Variants in LRRC72 observed in about 807,000 individuals in gnomAD.
LRRC72 encodes the protein leucine rich repeat containing 72, also known as leucine-rich repeat-containing protein 72.
In LRRC72, 41 loss-of-function variants were observed where a neutral mutation model predicts 35.8. The observed-to-expected ratio is 1.15, with a 90% CI of 0.89 to 1.49. The LOEUF (loss-of-function observed/expected upper bound fraction) is 1.49. LRRC72 is among the 40% of genes most tolerant of loss of function. The probability of loss-of-function intolerance (pLI) is 0.00; values close to 1 mark genes in which losing one functional copy is unlikely to be tolerated. For synonymous variants in LRRC72, 118 were observed against 119.2 expected (o/e 0.99, Z 0.07); for missense variants, 389 against 330.7 (o/e 1.18, Z -1.37).
chr7:16,533,177 T>C (rs2128334523), intron 2 of LRRC72, among the ~76,000 whole-genome samples: 1 of 152,216 alleles, frequency 6.6e-6, no homozygotes, highest in East Asian at 1.9e-4. Context: ...TTATACCACA[T>C]ACTATGATAA....
At chr7:16,530,525 C>T (rs959959056) in intron 1 of LRRC72, 3 of 152,214 alleles carry the variant, frequency 2.0e-5, no homozygotes, top group African/African-American at 2.4e-5. Flanking sequence ...TGGGCATCCC[C>T]TAGTCCAGTC....
At chr7:16,543,208 A>G (rs1782390033) in intron 3 of LRRC72, among the ~76,000 whole-genome samples, 1 of 152,212 alleles carries the variant, frequency 6.6e-6, no homozygotes, top group African/African-American at 2.4e-5. Flanking sequence ...CTTGACCACT[A>G]AGAGGAAACT....
intron 5 of LRRC72, 33 bp from the exon 6 acceptor site, chr7:16,566,280 C>A: frequency 7.3e-7 from 1 of 1,365,362 alleles, no homozygotes; most frequent in East Asian, 2.6e-5. Context: ...ATTTTGAAAT[C>A]TGACATTTTT....
At chr7:16,576,995 A>C (rs1357002301) in intron 7 of LRRC72, among the ~76,000 whole-genome samples, 1 of 152,194 alleles carries the variant, frequency 6.6e-6, no homozygotes, top group Non-Finnish European at 1.5e-5. Context: ...GAAAACAGAT[A>C]ATTGAAAGGT....
chr7:16,550,627 C>T (rs751633711), intron 3 of LRRC72, among the ~76,000 whole-genome samples: 1 of 152,168 alleles, frequency 6.6e-6, no homozygotes, highest in East Asian at 1.9e-4. Flanking sequence ...TTTAAGTGAT[C>T]TTTTGTTACT....
chr7:16,551,410 A>C (rs1782546071), intron 3 of LRRC72, among the ~76,000 whole-genome samples: 2 of 152,182 alleles, frequency 1.3e-5, no homozygotes, highest in African/African-American at 4.8e-5. Context: ...TATGCTAAAG[A>C]ATTGAGTGAT....
intron 5 of LRRC72, among the ~76,000 whole-genome samples, chr7:16,560,269 G>C (rs1033653660): frequency 6.6e-6 from 1 of 152,112 alleles, no homozygotes; most frequent in Non-Finnish European, 1.5e-5. Context: ...TTGTAAGCTA[G>C]TATTGATGGT....
intron 6 of LRRC72, 99 bp from the exon 7 acceptor site, chr7:16,567,292 A>G: frequency 1.1e-6 from 1 of 873,060 alleles, no homozygotes; most frequent in Non-Finnish European, 1.6e-6. Flanking sequence ...CATATATCAT[A>G]GTTTAGATAA....
In LRRC72 at chr7:16,557,362, CCATGGAATAA is replaced by C; in HGVS notation, c.241_250del (p.Gly81PhefsTer2). 7.9e-7 allele frequency: 1 copy of C among 1,259,354 alleles called. No homozygotes were observed. The highest frequency in any genetic ancestry group is 3.0e-5 in the East Asian group (1 of 33,162). 78.0% of individuals were successfully genotyped at this position (1,259,354 alleles called of 1,614,324 possible). On this transcript the variant is annotated frameshift_variant, in exon 4 of 9. Coordinates refer to ENST00000401542, the MANE Select transcript of LRRC72 (RefSeq NM_001195280.2). LOFTEE classifies it high-confidence loss of function. ...TGTTCTCTAACTCTCATTTTTAGCT[CCATGGAATAA>C]CATTTCTAACTAGAAACTATTGTCT...
At chr7:16,546,939 A>G (rs554238262) in intron 3 of LRRC72, among the ~76,000 whole-genome samples, 1 of 152,298 alleles carries the variant, frequency 6.6e-6, no homozygotes, top group African/African-American at 2.4e-5. Flanking sequence ...TGCTGCCATT[A>G]TACCAGCTGC....
intron 3 of LRRC72, among the ~76,000 whole-genome samples, chr7:16,541,058 G>A (rs187823734): frequency 1.3e-5 from 2 of 152,232 alleles, no homozygotes; most frequent in Admixed American, 6.5e-5. Context: ...CTAGGGTTAA[G>A]GAGGCAGTGT....
intron 3 of LRRC72, among the ~76,000 whole-genome samples, chr7:16,539,815 T>C (rs1242329865): frequency 6.6e-6 from 1 of 152,136 alleles, no homozygotes; most frequent in Non-Finnish European, 1.5e-5. Flanking sequence ...GGCCTGCAGG[T>C]GCACAGAAGA....
intron 3 of LRRC72, among the ~76,000 whole-genome samples, chr7:16,554,732 C>G (rs1239927168): frequency 6.6e-6 from 1 of 152,134 alleles, no homozygotes; most frequent in African/African-American, 2.4e-5. Context: ...TCACAAACAC[C>G]GCAATCCTAT....
intron 4 of LRRC72, 124 bp downstream of exon 4, chr7:16,557,565 T>A: frequency 2.9e-6 from 1 of 348,952 alleles, no homozygotes; most frequent in Non-Finnish European, 5.3e-6. Context: ...TATTAAGAAA[T>A]GTATTTTTTA....
chr7:16,538,549 A>C (rs1442263003), intron 3 of LRRC72, among the ~76,000 whole-genome samples: 1 of 152,212 alleles, frequency 6.6e-6, no homozygotes, highest in East Asian at 1.9e-4. Flanking sequence ...CAACGTACCT[A>C]GTCCTCAGAC....
intron 3 of LRRC72, among the ~76,000 whole-genome samples, chr7:16,554,515 G>A (rs2128336874): frequency 6.6e-6 from 1 of 151,662 alleles, no homozygotes. Flanking sequence ...CTCTACTTTG[G>A]GCCACCACAA....
intron 3 of LRRC72, among the ~76,000 whole-genome samples, chr7:16,550,534 A>C (rs1782531801): frequency 1.3e-5 from 2 of 152,196 alleles, no homozygotes; most frequent in South Asian, 2.1e-4. Context: ...GAATTGAAAG[A>C]ATTGGCTAAT....
intron 3 of LRRC72, among the ~76,000 whole-genome samples, chr7:16,548,230 C>A: frequency 6.6e-6 from 1 of 152,322 alleles, no homozygotes; most frequent in Middle Eastern, 3.4e-3. Flanking sequence ...GTCTTGCATA[C>A]CCTCCAGTTG....
chr7:16,557,336 T>G, intron 3 of LRRC72, 24 bp from the exon 4 acceptor site: 1 of 920,208 alleles, frequency 1.1e-6, no homozygotes. Context: ...AGAAAGTATA[T>G]TGTTCTCTAA....
Sources: gnomAD v4.1 joint callset for allele counts (sites outside exome capture counted in the v4.1 genomes callset) on GRCh38, gnomAD v4.1.1 for gene constraint, MANE v1.5 for transcripts, NCBI Gene and HGNC (gene_info 2026-07-23, HGNC 2026-07-21) for gene names.